ZNRF2: variants seen among roughly 807,000 people sequenced by gnomAD.
ZNRF2 encodes zinc and ring finger 2.
ZNRF2 carries 16 observed loss-of-function variants against 20.4 expected under a neutral mutation model. That is an observed-to-expected ratio of 0.79 (90% CI 0.53 to 1.19). The LOEUF (loss-of-function observed/expected upper bound fraction) is 1.19, where lower values mean the gene tolerates loss of function less well. Ranked by LOEUF, ZNRF2 falls within the 50% of genes most tolerant of loss-of-function variation. The probability of loss-of-function intolerance (pLI) is 0.00; values close to 1 mark genes in which losing one functional copy is unlikely to be tolerated. For synonymous variants in ZNRF2, 178 were observed against 144.9 expected (o/e 1.23, Z -1.64); for missense variants, 363 against 332.4 (o/e 1.09, Z -0.72).
At chr7:30,317,654 G>T (rs901331158) in intron 1 of ZNRF2, among the ~76,000 whole-genome samples, 1 of 152,190 alleles carries the variant, frequency 6.6e-6, no homozygotes, top group Non-Finnish European at 1.5e-5. Context: ...CATGCATTCA[G>T]TAATGCAAAA....
At chr7:30,353,230 T>G (rs2127955660) in intron 2 of ZNRF2, among the ~76,000 whole-genome samples, 1 of 152,250 alleles carries the variant, frequency 6.6e-6, no homozygotes, top group Middle Eastern at 3.4e-3. Context: ...AACTGATCAG[T>G]GGCTACAATA....
chr7:30,324,073 ATATT>A (rs1799514882), intron 2 of ZNRF2, among the ~76,000 whole-genome samples: 1 of 152,220 alleles, frequency 6.6e-6, no homozygotes, highest in Non-Finnish European at 1.5e-5. Context: ...CTAAGACAAA[ATATT>A]TAGTGACAAG....
chr7:30,338,853 T>C (rs1247602702), intron 2 of ZNRF2, among the ~76,000 whole-genome samples: 1 of 152,214 alleles, frequency 6.6e-6, no homozygotes, highest in African/African-American at 2.4e-5. Context: ...ATCGCCACAC[T>C]GTCTTCCACA....
chr7:30,365,089 A>G (rs1331933045), intron 4 of ZNRF2, among the ~76,000 whole-genome samples: 1 of 146,778 alleles, frequency 6.8e-6, no homozygotes, highest in Non-Finnish European at 1.5e-5. Context: ...ACTGCAGATT[A>G]GGTTTTAACA....
chr7:30,343,447 A>G (rs1035532819), intron 2 of ZNRF2, among the ~76,000 whole-genome samples: 1 of 152,086 alleles, frequency 6.6e-6, no homozygotes, highest in Non-Finnish European at 1.5e-5. Flanking sequence ...ACTAAGGTGA[A>G]TTAAGGTGTG....
intron 2 of ZNRF2, among the ~76,000 whole-genome samples, chr7:30,336,332 G>C (rs1307012781): frequency 1.3e-5 from 2 of 149,502 alleles, no homozygotes; most frequent in Admixed American, 6.6e-5. Flanking sequence ...CTCAGCCACT[G>C]AGTAGTTTGG....
intron 1 of ZNRF2, among the ~76,000 whole-genome samples, chr7:30,289,439 T>A (rs1298189402): frequency 6.6e-6 from 1 of 152,216 alleles, no homozygotes; most frequent in African/African-American, 2.4e-5. Flanking sequence ...ATGTTTGAAT[T>A]TGGGATATTG....
intron 2 of ZNRF2, among the ~76,000 whole-genome samples, chr7:30,353,645 G>T (rs117361822): frequency 2.0e-5 from 3 of 152,102 alleles, no homozygotes; most frequent in Non-Finnish European, 1.5e-5. Flanking sequence ...AGGATAAAAT[G>T]TAGACCTTTT....
chr7:30,335,228 C>T (rs1204665057), intron 2 of ZNRF2, among the ~76,000 whole-genome samples: 1 of 152,088 alleles, frequency 6.6e-6, no homozygotes, highest in South Asian at 2.1e-4. Flanking sequence ...GGAGGGTTCT[C>T]GTTTTCCTTC....
At chr7:30,316,412 T>C (rs1489171846) in intron 1 of ZNRF2, among the ~76,000 whole-genome samples, 1 of 150,860 alleles carries the variant, frequency 6.6e-6, no homozygotes, top group Non-Finnish European at 1.5e-5. Flanking sequence ...TATTCAAGAA[T>C]GTCTGTTATA....
intron 1 of ZNRF2, among the ~76,000 whole-genome samples, chr7:30,288,062 T>C (rs2128053950): frequency 6.6e-6 from 1 of 152,228 alleles, no homozygotes; most frequent in Middle Eastern, 3.4e-3. Context: ...CTTACTGAGA[T>C]TTTTACCTAT....
At chr7:30,346,170 A>ATTTTTTTTTTTTTTTTTT (rs70980598) in intron 2 of ZNRF2, among the ~76,000 whole-genome samples, 1 of 23,706 alleles carries the variant, frequency 4.2e-5, no homozygotes, top group Non-Finnish European at 9.8e-5. Flanking sequence ...GTTAAGTCTG[A>ATTTTTTTTTTTTTTTTTT]TTTTTTTTTT....
At chr7:30,306,572 C>T (rs1359934603) in intron 1 of ZNRF2, among the ~76,000 whole-genome samples, 1 of 152,146 alleles carries the variant, frequency 6.6e-6, no homozygotes, top group African/African-American at 2.4e-5. Context: ...CTATTCCAGT[C>T]ACTGAAATAC....
chr7:30,338,065 A>C (rs1214448212), intron 2 of ZNRF2, among the ~76,000 whole-genome samples: 1 of 152,138 alleles, frequency 6.6e-6, no homozygotes, highest in African/African-American at 2.4e-5. Flanking sequence ...CATTCTTTAC[A>C]ATTGCCTTAT....
intron 4 of ZNRF2, among the ~76,000 whole-genome samples, chr7:30,363,668 G>A (rs1203507295): frequency 6.6e-6 from 1 of 151,684 alleles, no homozygotes; most frequent in Non-Finnish European, 1.5e-5. Context: ...AACTAGTTTT[G>A]TTCTACTGAT....
At chr7:30,293,491 C>T (rs900365757) in intron 1 of ZNRF2, among the ~76,000 whole-genome samples, 2 of 152,116 alleles carry the variant, frequency 1.3e-5, no homozygotes, top group African/African-American at 2.4e-5. Context: ...TCAAGTGATT[C>T]GCCCACCTCA....
chr7:30,316,367 G>C (rs1423273384), intron 1 of ZNRF2, among the ~76,000 whole-genome samples: 1 of 145,112 alleles, frequency 6.9e-6, no homozygotes, highest in Non-Finnish European at 1.5e-5. Context: ...ATTTTCCCTA[G>C]TGGACTGAAT....
At chr7:30,338,699 A>G (rs1036352545) in intron 2 of ZNRF2, among the ~76,000 whole-genome samples, 1 of 152,074 alleles carries the variant, frequency 6.6e-6, no homozygotes, top group African/African-American at 2.4e-5. Context: ...GGTTGGTTCC[A>G]AGTCTTTGCT....
chr7:30,317,723 T>C (rs1799399681), intron 1 of ZNRF2, among the ~76,000 whole-genome samples: 2 of 152,236 alleles, frequency 1.3e-5, no homozygotes, highest in Non-Finnish European at 2.9e-5. Context: ...TCAGAAGAGC[T>C]GAGTTCTGGC....
Sources: allele counts gnomAD v4.1 joint callset (sites outside exome capture counted in the v4.1 genomes callset), GRCh38; gene constraint gnomAD v4.1.1; transcripts MANE v1.5; gene names NCBI Gene and HGNC (gene_info 2026-07-23, HGNC 2026-07-21).